The following ATP2C1 variants were observed in gnomAD, a reference collection of about 807,000 sequenced individuals.
ATP2C1 encodes ATPase secretory pathway Ca2+ transporting 1.
In ATP2C1, 31 loss-of-function variants were observed where a neutral mutation model predicts 120.5. The ratio of observed to expected loss-of-function variants is 0.26; its 90% CI spans 0.19 to 0.35. The LOEUF (loss-of-function observed/expected upper bound fraction) is 0.35, where lower values mean the gene tolerates loss of function less well. Among genes scored for constraint, ATP2C1 ranks in the 10% least tolerant of loss-of-function variants. The pLI is 1.00. For synonymous variants in ATP2C1, 351 were observed against 358.7 expected (o/e 0.98, Z 0.24); for missense variants, 731 against 1,107.5 (o/e 0.66, Z 4.83).
At chr3:130,991,487 A>G (rs2062339185) in intron 20 of ATP2C1, among the ~76,000 whole-genome samples, 1 of 152,144 alleles carries the variant, frequency 6.6e-6, no homozygotes, top group African/African-American at 2.4e-5. Flanking sequence ...TCCTATATCA[A>G]AATTTTTTCC....
chr3:130,899,753 G>A lies in ATP2C1; in HGVS notation c.6+4978G>A, dbSNP rs375675039. The stretch of plus-strand genomic sequence containing the variant: ...AAAAGTTTGAATGAAATGTTGAAAA[G>A]CTGTCCTAGATTATAGACAGAAGAC... On this transcript the variant is annotated intron_variant, in intron 2 of 27. Transcript: ENST00000510168. The A allele has an allele frequency of 3.9e-5, 6 of 152,254 alleles. No individual in the cohort carries two copies. The South Asian group carries it at 1.2e-3, about 32-fold the overall frequency. The allele number at this position is 152,254 out of a possible 1,614,324, so 9.4% of individuals were successfully genotyped here.
At chr3:131,010,187 C>CTTTTTTTTTTTTT (rs35503162) in intron 26 of ATP2C1, among the ~76,000 whole-genome samples, 1 of 88,024 alleles carries the variant, frequency 1.1e-5, no homozygotes, top group African/African-American at 4.2e-5. Context: ...CTTTTTCTAT[C>CTTTTTTTTTTTTT]TTTTTTTTTT....
At chr3:130,935,765 T>C (rs1210364605) in intron 5 of ATP2C1, among the ~76,000 whole-genome samples, 1 of 152,236 alleles carries the variant, frequency 6.6e-6, no homozygotes, top group Admixed American at 6.5e-5. Context: ...CTTTCATGTT[T>C]CTTAAGAATG....
chr3:131,001,334 C>T lies in ATP2C1; in HGVS notation c.2744C>T (p.Ser915Phe), dbSNP rs1244710701. ...AAGCATGTTAGTTCGACATCATCATCTTTTCTTGAAGTATGATGCATATTG... is the reference window on the plus strand; with the variant it reads ...AAGCATGTTAGTTCGACATCATCATTTTTTCTTGAAGTATGATGCATATTG... The part of the protein sequence containing the change: ...IQKHVSSTSS[S>F]FLEV The change falls in exon 28 of 28, where the codon TCT becomes TTT. Residue 915 changes from serine (S) to phenylalanine (F), a missense_variant. Physicochemically the swap from Ser to Phe is radical, Grantham distance 155 (BLOSUM62 -2). Transcript: ENST00000510168. 6.2e-7 allele frequency: 1 copy of T among 1,613,328 alleles called. No individual in the cohort carries two copies. Among genetic ancestry groups the T allele is most frequent in the South Asian group, 1.1e-5 (1 of 91,072 alleles).
intron 8 of ATP2C1, among the ~76,000 whole-genome samples, chr3:130,942,463 G>T (rs1402781154): frequency 6.6e-6 from 1 of 152,190 alleles, no homozygotes; most frequent in Non-Finnish European, 1.5e-5. Context: ...TAGTATGCAG[G>T]TCTTATCCAC....
chr3:131,001,103 A>AG (rs1355753322), intron 27 of ATP2C1, 117 bp from the exon 28 acceptor site: 100 of 682,678 alleles, frequency 1.5e-4, no homozygotes, highest in South Asian at 9.6e-4. Context: ...ACTTCATCTC[A>AG]GAAAAAAAAA....
exon 27 of ATP2C1, chr3:131,016,345 TAAAG>T (rs779032584): frequency 1.3e-5 from 21 of 1,614,004 alleles, no homozygotes; most frequent in Non-Finnish European, 1.6e-5. Flanking sequence ...CTTACCTAAA[TAAAG>T]AAACAGCCCA....
chr3:130,993,020 G>C lies in ATP2C1; in HGVS notation c.1890+19G>C, dbSNP rs921999162. 7 of 1,606,158 alleles carry C rather than the reference G, an allele frequency of 4.4e-6. No homozygotes were observed. Among genetic ancestry groups the C allele is most frequent in the Non-Finnish European group, 6.0e-6 (7 of 1,173,290 alleles). ...TATTAAGGTGAGTGTGTAAGAATCA[G>C]ATTGTTTTATTTCTGTATACAAAAT... is the stretch of plus-strand genomic sequence containing the variant. On this transcript the variant is annotated intron_variant, in intron 21 of 27. Transcript: ENST00000510168.
upstream of ATP2C1, among the ~76,000 whole-genome samples, chr3:130,890,661 C>T (rs1189268677): frequency 6.6e-6 from 1 of 152,124 alleles, no homozygotes; most frequent in Non-Finnish European, 1.5e-5. Flanking sequence ...TCATATGAGT[C>T]CTTCAATTTT....
rs1559890160 is a variant in ATP2C1, at chr3:130,894,552, C to T, written c.-180-38C>T. ...GCTGGGCGGGGAACTCCTTCCTCAG[C>T]CTCTCGTCAGCGCCGCTTCTCCTGG... On this transcript the variant is annotated intron_variant, in intron 1 of 27. Transcript: ENST00000510168. The surrounding 1 kb of genome is among the most constrained non-coding windows in gnomAD (Gnocchi z 4.5). 1.4e-6 allele frequency: 2 copies of T among 1,413,446 alleles called. No individual in the cohort carries two copies. The highest frequency in any genetic ancestry group is 1.8e-6 in the Non-Finnish European group (2 of 1,084,472). The allele number at this position is 1,413,446 out of a possible 1,614,324, so 87.6% of individuals were successfully genotyped here.
At chr3:130,878,843 A>G (rs2068690459) in intron 1 of ATP2C1, among the ~76,000 whole-genome samples, 1 of 152,142 alleles carries the variant, frequency 6.6e-6, no homozygotes, top group Non-Finnish European at 1.5e-5. Context: ...TGTAACTATA[A>G]TGCATTTCAA....
intron 9 of ATP2C1, 84 bp downstream of exon 9, chr3:130,954,060 A>G (rs1190101958): frequency 2.1e-6 from 3 of 1,411,816 alleles, no homozygotes; most frequent in Non-Finnish European, 3.0e-6. Context: ...TTTATGTGGA[A>G]TTTTTCAAAT....
intron 17 of ATP2C1, among the ~76,000 whole-genome samples, chr3:130,972,052 A>C (rs1221534193): frequency 6.6e-6 from 1 of 152,168 alleles, no homozygotes; most frequent in South Asian, 2.1e-4. Flanking sequence ...ACTCTTCCAC[A>C]GGCAGGGGAT....
chr3:130,907,730 CTT>C (rs201616375), intron 2 of ATP2C1, among the ~76,000 whole-genome samples: 1 of 126,548 alleles, frequency 7.9e-6, no homozygotes, highest in Admixed American at 7.8e-5. Context: ...GTCTGCCTTT[CTT>C]TTTTTTTTTT....
At chr3:130,873,946 C>T (rs937419808) in intron 1 of ATP2C1, among the ~76,000 whole-genome samples, 2 of 151,700 alleles carry the variant, frequency 1.3e-5, no homozygotes, top group African/African-American at 4.8e-5. Context: ...CCCGTCTCTA[C>T]TAAAAATACA....
intron 2 of ATP2C1, among the ~76,000 whole-genome samples, chr3:130,925,739 G>T (rs2059172997): frequency 6.6e-6 from 1 of 151,960 alleles, no homozygotes; most frequent in South Asian, 2.1e-4. Context: ...AGACTACGAG[G>T]TGGGGGCAGG....
chr3:130,917,446 G>T (rs1221003498), intron 2 of ATP2C1, among the ~76,000 whole-genome samples: 1 of 152,136 alleles, frequency 6.6e-6, no homozygotes, highest in East Asian at 1.9e-4. Flanking sequence ...AGATTTTGTT[G>T]TGTTATAGAT....
intron 10 of ATP2C1, chr3:130,955,781 G>A: frequency 3.9e-6 from 1 of 253,968 alleles, no homozygotes. Context: ...AAGTGAGAGA[G>A]CAGCTGATGG....
intron 21 of ATP2C1, 65 bp downstream of exon 21, chr3:130,993,066 A>G: frequency 7.1e-7 from 1 of 1,406,574 alleles, no homozygotes; most frequent in Non-Finnish European, 1.0e-6. Context: ...TACTTTTGTT[A>G]TGTTTGCATT....
Sources: allele counts gnomAD v4.1 joint callset (sites outside exome capture counted in the v4.1 genomes callset), GRCh38; gene constraint gnomAD v4.1.1; non-coding constraint Gnocchi (gnomAD v3.1); transcripts MANE v1.5; gene names NCBI Gene and HGNC (gene_info 2026-07-23, HGNC 2026-07-21).